AUTS2: variants seen among roughly 807,000 people sequenced by gnomAD.
AUTS2 encodes the protein autism susceptibility gene 2 protein.
In AUTS2, 17 loss-of-function variants were observed where a neutral mutation model predicts 112.4. That is an observed-to-expected ratio of 0.15 (90% confidence interval 0.10 to 0.23). The LOEUF is 0.23. Among genes scored for constraint, AUTS2 ranks in the 10% least tolerant of loss-of-function variants. The probability of loss-of-function intolerance (pLI) is 1.00; values close to 1 mark genes in which losing one functional copy is unlikely to be tolerated. For synonymous variants in AUTS2, 751 were observed against 702.7 expected (o/e 1.07, Z -1.09); for missense variants, 1,510 against 1,701.6 (o/e 0.89, Z 1.98).
chr7:70,659,762 A>G (rs756814513), intron 5 of AUTS2, among the ~76,000 whole-genome samples: 2 of 152,168 alleles, frequency 1.3e-5, no homozygotes, highest in Non-Finnish European at 2.9e-5. Flanking sequence ...GCATATACAT[A>G]GTGTAATGTC....
At chr7:70,536,830 G>T (rs1447348940) in intron 5 of AUTS2, among the ~76,000 whole-genome samples, 1 of 152,114 alleles carries the variant, frequency 6.6e-6, no homozygotes, top group Non-Finnish European at 1.5e-5. Context: ...AACCCAGGAG[G>T]TGGAGGTTGC....
At chr7:70,676,328 A>T (rs142479347) in intron 5 of AUTS2, among the ~76,000 whole-genome samples, 1,827 of 151,992 alleles carry the variant, frequency 0.012, 16 homozygotes, top group Middle Eastern at 0.02. Flanking sequence ...ACTACTGAGG[A>T]GGCTGAGGTG....
chr7:70,750,036 T>C (rs572504296), intron 6 of AUTS2, among the ~76,000 whole-genome samples: 1 of 152,314 alleles, frequency 6.6e-6, no homozygotes, highest in East Asian at 1.9e-4. Flanking sequence ...TGCAGTGATA[T>C]TGGCAAAAGA....
chr7:70,753,434 CT>C (rs1172980457), intron 6 of AUTS2, among the ~76,000 whole-genome samples: 7 of 152,180 alleles, frequency 4.6e-5, no homozygotes, highest in Admixed American at 6.5e-5. Flanking sequence ...ATCATTCCCC[CT>C]GATCTTCCAC....
At chr7:70,441,427 C>G (rs560819742) in intron 5 of AUTS2, among the ~76,000 whole-genome samples, 103 of 152,242 alleles carry the variant, frequency 6.8e-4, no homozygotes, top group African/African-American at 2.5e-3. Flanking sequence ...GCTCTGTTGC[C>G]CAGGCTGGAG....
At chr7:70,593,445 C>T (rs77708156) in intron 5 of AUTS2, among the ~76,000 whole-genome samples, 1 of 152,168 alleles carries the variant, frequency 6.6e-6, no homozygotes, top group Non-Finnish European at 1.5e-5. Context: ...TGGGGCATCA[C>T]TCCCTTTGGT....
chr7:69,614,320 C>CTT (rs1793209882), intron 1 of AUTS2, among the ~76,000 whole-genome samples: 1 of 58,722 alleles, frequency 1.7e-5, no homozygotes, highest in Admixed American at 1.8e-4. Flanking sequence ...CCGTCTCTTT[C>CTT]TTTCTTTCTT....
At chr7:69,862,526 AAGG>A (rs1793034930) in intron 1 of AUTS2, among the ~76,000 whole-genome samples, 1 of 152,172 alleles carries the variant, frequency 6.6e-6, no homozygotes, top group South Asian at 2.1e-4. Flanking sequence ...CATTTTCTGA[AAGG>A]AGGGCCATTA....
At chr7:70,003,241 TATATTATATATGAATATATA>T in intron 2 of AUTS2, among the ~76,000 whole-genome samples, 1 of 130,998 alleles carries the variant, frequency 7.6e-6, no homozygotes, top group African/African-American at 3.0e-5. Context: ...TATATATGAA[TATATTATATATGAATATATA>T]ATATATTATA....
chr7:70,610,230 A>G (rs1485630026), intron 5 of AUTS2, among the ~76,000 whole-genome samples: 1 of 151,952 alleles, frequency 6.6e-6, no homozygotes, highest in East Asian at 1.9e-4. Context: ...AACTCCTGGC[A>G]TCAAGTGATC....
chr7:69,870,756 A>G (rs1793460087), intron 1 of AUTS2, among the ~76,000 whole-genome samples: 1 of 152,068 alleles, frequency 6.6e-6, no homozygotes. Flanking sequence ...CAAAGGTGCC[A>G]TTAAAGGTGG....
chr7:70,663,452 G>T (rs10255981), intron 5 of AUTS2, among the ~76,000 whole-genome samples: 25,362 of 152,152 alleles, frequency 0.17, 2,296 homozygotes, highest in Middle Eastern at 0.25. Context: ...GAGCCCCACA[G>T]GAAGAAAGGC....
intron 2 of AUTS2, among the ~76,000 whole-genome samples, chr7:70,103,672 TGAGG>T: frequency 6.6e-6 from 1 of 152,166 alleles, no homozygotes; most frequent in South Asian, 2.1e-4. Context: ...TTTGGGAGGC[TGAGG>T]TGGGTAGATC....
intron 5 of AUTS2, among the ~76,000 whole-genome samples, chr7:70,603,849 C>T (rs35271487): frequency 0.021 from 3,261 of 152,246 alleles, 46 homozygotes; most frequent in Middle Eastern, 0.048. Flanking sequence ...TCCTCTGAAG[C>T]AGAGATAATA....
At chr7:69,863,221 C>T (rs767299831) in intron 1 of AUTS2, among the ~76,000 whole-genome samples, 2 of 152,202 alleles carry the variant, frequency 1.3e-5, no homozygotes, top group Non-Finnish European at 2.9e-5. Context: ...TGATTCTGTA[C>T]TGAACATGTA....
At chr7:70,463,125 C>T (rs1797036441) in intron 5 of AUTS2, among the ~76,000 whole-genome samples, 1 of 152,222 alleles carries the variant, frequency 6.6e-6, no homozygotes, top group Admixed American at 6.5e-5. Flanking sequence ...TAGATCTACA[C>T]ATCTCCTGTT....
At chr7:70,118,105 C>T (rs1805478114) in intron 2 of AUTS2, 27 bp from the exon 3 acceptor site, 2 of 1,570,420 alleles carry the variant, frequency 1.3e-6, no homozygotes, top group African/African-American at 1.4e-5. Flanking sequence ...TAACTTTTTC[C>T]TTTTTTCTCT....
At chr7:70,182,990 C>T (rs1365536016) in intron 4 of AUTS2, among the ~76,000 whole-genome samples, 1 of 152,110 alleles carries the variant, frequency 6.6e-6, no homozygotes. Context: ...TAAGGGGAAG[C>T]CCGAGTCCAC....
At chr7:70,093,621 G>C (rs1212192991) in intron 2 of AUTS2, among the ~76,000 whole-genome samples, 1 of 152,158 alleles carries the variant, frequency 6.6e-6, no homozygotes, top group Non-Finnish European at 1.5e-5. Flanking sequence ...AGACACGAAG[G>C]ACATGTACAG....
Sources: gnomAD v4.1 joint callset for allele counts (sites outside exome capture counted in the v4.1 genomes callset) on GRCh38, gnomAD v4.1.1 for gene constraint, MANE v1.5 for transcripts, NCBI Gene and HGNC (gene_info 2026-07-23, HGNC 2026-07-21) for gene names.